Variants in PEAK1 observed in about 807,000 individuals in gnomAD.
The protein encoded by PEAK1 is inactive tyrosine-protein kinase PEAK1.
In PEAK1, 54 loss-of-function variants were observed where a neutral mutation model predicts 124.7. The observed-to-expected ratio is 0.43, with a 90% CI of 0.35 to 0.54. The LOEUF is 0.54. Among genes scored for constraint, PEAK1 ranks in the 20% least tolerant of loss-of-function variants. The probability of loss-of-function intolerance (pLI) is 0.01; values close to 1 mark genes in which losing one functional copy is unlikely to be tolerated. For missense variants in PEAK1, 2,046 were observed against 2,134.5 expected (o/e 0.96, Z 0.82); for synonymous variants, 719 against 760.0 (o/e 0.95, Z 0.89).
At chr15:77,117,710 C>G (rs2051520427) in intron 9 of PEAK1, among the ~76,000 whole-genome samples, 1 of 152,088 alleles carries the variant, frequency 6.6e-6, no homozygotes, top group Non-Finnish European at 1.5e-5. Context: ...ATGTTAGAAT[C>G]CAAGACAGGG....
At chr15:77,391,476 CAAAAAAAAAAAAAAAAA>C (rs536286745) in intron 1 of PEAK1, among the ~76,000 whole-genome samples, 2,391 of 68,412 alleles carry the variant, frequency 0.035, 101 homozygotes, top group African/African-American at 0.13. Context: ...TAACTCATGG[CAAAAAAAAAAAAAAAAA>C]AAAAAAAAAA....
intron 6 of PEAK1, among the ~76,000 whole-genome samples, chr15:77,230,045 C>T (rs570921856): frequency 6.6e-6 from 1 of 152,084 alleles, no homozygotes; most frequent in Non-Finnish European, 1.5e-5. Flanking sequence ...TAAAACAAGA[C>T]ACCATTCTCA....
chr15:77,257,126 T>C (rs988215678), intron 5 of PEAK1, among the ~76,000 whole-genome samples: 41 of 152,302 alleles, frequency 2.7e-4, no homozygotes, highest in African/African-American at 9.1e-4. Context: ...CAGTCTATCA[T>C]TGATGGACAT....
In PEAK1 at chr15:77,253,245, T is replaced by TGG. The variant is rs59178188; in HGVS notation, c.-274-721_-274-720dup. On this transcript the variant is annotated intron_variant, in intron 5 of 9. Coordinates refer to ENST00000682557, the MANE Select transcript of PEAK1 (RefSeq NM_001385026.1). ...AGCATCTGTGAATTTTGGTATGCGT[T>TGG]GGGGGGGGGGTGGTCCTGGAGCCAA... is the stretch of plus-strand genomic sequence containing the variant. Among the ~76,000 whole-genome samples, 377 of 129,882 alleles carry TGG rather than the reference T, an allele frequency of 2.9e-3. 4 individuals carry two copies. The highest frequency in any genetic ancestry group is 4.6e-3 in the Non-Finnish European group (273 of 59,246). 85.2% of individuals were successfully genotyped at this position (129,882 alleles called of 152,430 possible).
At chr15:77,407,074 G>A (rs1050720039) in intron 1 of PEAK1, among the ~76,000 whole-genome samples, 11 of 152,198 alleles carry the variant, frequency 7.2e-5, no homozygotes, top group Admixed American at 1.3e-4. Context: ...GCCACATGTA[G>A]AAGAATGAAA....
intron 2 of PEAK1, among the ~76,000 whole-genome samples, chr15:77,358,930 T>C (rs956036006): frequency 2.6e-5 from 4 of 152,214 alleles, no homozygotes; most frequent in Non-Finnish European, 5.9e-5. Context: ...CTGTGAAGAT[T>C]ACATGAAATG....
chr15:77,241,608 T>C (rs2060360512), intron 6 of PEAK1, among the ~76,000 whole-genome samples: 1 of 152,016 alleles, frequency 6.6e-6, no homozygotes, highest in African/African-American at 2.4e-5. Flanking sequence ...TTAGAATTAA[T>C]ACGTATTTTA....
At chr15:77,405,652 T>G (rs982176022) in intron 1 of PEAK1, among the ~76,000 whole-genome samples, 6 of 152,166 alleles carry the variant, frequency 3.9e-5, no homozygotes, top group Admixed American at 1.3e-4. Flanking sequence ...CCATAGAAGA[T>G]AAGAGAAGAT....
At chr15:77,408,040 T>C (rs2072024997) in intron 1 of PEAK1, among the ~76,000 whole-genome samples, 1 of 151,124 alleles carries the variant, frequency 6.6e-6, no homozygotes, top group Admixed American at 6.6e-5. Flanking sequence ...CATATATACA[T>C]ATATACACAT....
At chr15:77,282,407 A>C (rs1173267548) in intron 5 of PEAK1, among the ~76,000 whole-genome samples, 1 of 152,224 alleles carries the variant, frequency 6.6e-6, no homozygotes, top group Non-Finnish European at 1.5e-5. Context: ...TCATTAAAAA[A>C]AATTTACTGT....
chr15:77,349,431 T>C, intron 2 of PEAK1: 1 of 981,106 alleles, frequency 1.0e-6, no homozygotes, highest in Non-Finnish European at 1.2e-6. Context: ...CATAAAAATG[T>C]TCATAATAGG....
chr15:77,111,385 C>T lies in PEAK1; in HGVS notation c.*2771G>A, dbSNP rs1375325622. On this transcript the variant is annotated 3_prime_UTR_variant, in exon 10 of 10. Coordinates refer to ENST00000682557, the MANE Select transcript of PEAK1 (RefSeq NM_001385026.1). Reference sequence around the variant, plus strand: ...TTTTTTTGGAAAAATATTCTGAAGACCAACTCATGTAGTACTTTTTGCCTA... The same window carrying T: ...TTTTTTTGGAAAAATATTCTGAAGATCAACTCATGTAGTACTTTTTGCCTA... 6.6e-6 allele frequency: 1 copy of T among 152,114 alleles called. No homozygotes were observed. Among genetic ancestry groups the T allele is most frequent in the African/African-American group, 2.4e-5 (1 of 41,400 alleles). 9.4% of individuals were successfully genotyped at this position (152,114 alleles called of 1,614,324 possible). A position where few individuals can be genotyped will look rare whatever the true frequency, so the allele number is the denominator to read the frequency against.
In PEAK1 at chr15:77,180,744, G is replaced by C. The variant is rs776118718; in HGVS notation, c.1183C>G (p.Gln395Glu). Residue 395 changes from glutamine (Q) to glutamate (E), a missense_variant, in exon 7 of 10, where the codon CAG becomes GAG. Coordinates refer to ENST00000682557, the MANE Select transcript of PEAK1 (RefSeq NM_001385026.1). Reference protein sequence around the residue: ...PNYESPSSNNQDKDSSQASKS... With the variant: ...PNYESPSSNNEDKDSSQASKS... ...GAAGCCTGTGATGAATCTTTATCCT[G>C]ATTATTACTAGAGGGACTTTCATAA... 1.2e-6 allele frequency: 2 copies of C among 1,613,990 alleles called. No individual in the cohort carries two copies.
chr15:77,142,449 C>T (rs1260134855), intron 8 of PEAK1, among the ~76,000 whole-genome samples: 2 of 152,210 alleles, frequency 1.3e-5, no homozygotes, highest in South Asian at 2.1e-4. Context: ...CCCAGCATTT[C>T]GACTCCTGGG....
At chr15:77,189,439 A>ACAGCAG (rs145143746) in intron 6 of PEAK1, among the ~76,000 whole-genome samples, 25 of 151,502 alleles carry the variant, frequency 1.7e-4, no homozygotes, top group Middle Eastern at 3.4e-3. Flanking sequence ...GACAGTCCAC[A>ACAGCAG]CAGCAGCAGC....
chr15:77,150,290 G>A (rs1476790186), intron 8 of PEAK1, among the ~76,000 whole-genome samples: 1 of 152,044 alleles, frequency 6.6e-6, no homozygotes, highest in East Asian at 1.9e-4. Context: ...AGATCGACTC[G>A]ATTCCAGCTG....
intron 1 of PEAK1, chr15:77,419,655 C>A (rs1360619864): frequency 4.1e-6 from 4 of 985,108 alleles, no homozygotes; most frequent in Non-Finnish European, 4.8e-6. Context: ...CCCGCAACCT[C>A]CCAGCCGCGC....
chr15:77,197,107 C>A (rs1419762881), intron 6 of PEAK1, among the ~76,000 whole-genome samples: 1 of 151,986 alleles, frequency 6.6e-6, no homozygotes, highest in Non-Finnish European at 1.5e-5. Flanking sequence ...CCTGCCTTGG[C>A]CTCCCATAGT....
At chr15:77,218,073 C>T (rs1186984435) in intron 6 of PEAK1, among the ~76,000 whole-genome samples, 2 of 152,122 alleles carry the variant, frequency 1.3e-5, no homozygotes, top group Non-Finnish European at 2.9e-5. Context: ...AGTTTTAATT[C>T]TTCCTTTCCA....
Sources: allele counts gnomAD v4.1 joint callset (sites outside exome capture counted in the v4.1 genomes callset), GRCh38; gene constraint gnomAD v4.1.1; transcripts MANE v1.5; gene names NCBI Gene and HGNC (gene_info 2026-07-23, HGNC 2026-07-21).